Variants in NCAPD3 observed in about 807,000 individuals in gnomAD.
NCAPD3 encodes non-SMC condensin II complex subunit D3.
A neutral mutation model predicts 182.9 loss-of-function variants in NCAPD3; 105 were observed. The ratio of observed to expected loss-of-function variants is 0.57; its 90% confidence interval spans 0.49 to 0.68. The LOEUF (loss-of-function observed/expected upper bound fraction) is 0.68, where lower values mean the gene tolerates loss of function less well. NCAPD3 is among the 30% of genes least tolerant of loss of function. The pLI is 0.00. For synonymous variants in NCAPD3, 815 were observed against 679.9 expected (o/e 1.20, Z -3.09); for missense variants, 1,944 against 1,837.0 (o/e 1.06, Z -1.07).
chr11:134,162,361 C>G (rs1399854920), intron 27 of NCAPD3, among the ~76,000 whole-genome samples: 1 of 152,174 alleles, frequency 6.6e-6, no homozygotes, highest in Non-Finnish European at 1.5e-5. Context: ...ACAGCCAGCT[C>G]TGTCTCTCTC....
At chr11:134,187,523 G>A (rs1488808947) in intron 16 of NCAPD3, among the ~76,000 whole-genome samples, 3 of 152,194 alleles carry the variant, frequency 2.0e-5, no homozygotes, top group African/African-American at 7.2e-5. Context: ...ATTTTCCTGA[G>A]ATTTCATAGA....
intron 24 of NCAPD3, among the ~76,000 whole-genome samples, chr11:134,169,341 G>C (rs1943950986): frequency 6.6e-6 from 1 of 152,208 alleles, no homozygotes; most frequent in African/African-American, 2.4e-5. Flanking sequence ...TTCAAGTGGG[G>C]AAAGTAATCG....
At chr11:134,162,375 G>C (rs931238708) in intron 27 of NCAPD3, among the ~76,000 whole-genome samples, 6 of 152,194 alleles carry the variant, frequency 3.9e-5, no homozygotes, top group South Asian at 4.2e-4. Context: ...CTCTCTCTCT[G>C]TGTACACATC....
chr11:134,183,161 A>G (rs1370549739), intron 19 of NCAPD3: 3 of 456,180 alleles, frequency 6.6e-6, no homozygotes, highest in Non-Finnish European at 1.3e-5. Context: ...GTGCTGGTGA[A>G]AAGAAAATTA....
chr11:134,190,314 AT>A (rs1184045969), intron 16 of NCAPD3, among the ~76,000 whole-genome samples: 1 of 152,196 alleles, frequency 6.6e-6, no homozygotes, highest in Non-Finnish European at 1.5e-5. Flanking sequence ...ACTTTTTTAT[AT>A]TTTAGCTTCA....
intron 16 of NCAPD3, among the ~76,000 whole-genome samples, chr11:134,188,755 C>G (rs1944464868): frequency 6.6e-6 from 1 of 152,138 alleles, no homozygotes. Flanking sequence ...TCTTTAAGAG[C>G]TGTAACATGC....
At chr11:134,201,515 G>A (rs190427949) in intron 13 of NCAPD3, among the ~76,000 whole-genome samples, 27 of 152,284 alleles carry the variant, frequency 1.8e-4, no homozygotes, top group Admixed American at 5.2e-4. Flanking sequence ...GAACTTTATG[G>A]TGTGTGAACT....
At chr11:134,156,619 A>G (rs1943425738) in intron 32 of NCAPD3, among the ~76,000 whole-genome samples, 2 of 152,264 alleles carry the variant, frequency 1.3e-5, no homozygotes, top group African/African-American at 4.8e-5. Context: ...CAGAGCGTGC[A>G]TGGTACCTGC....
chr11:134,179,624 G>A (rs755701800), intron 20 of NCAPD3, among the ~76,000 whole-genome samples: 49 of 152,200 alleles, frequency 3.2e-4, no homozygotes, highest in Non-Finnish European at 5.1e-4. Flanking sequence ...AAGGTAAAGA[G>A]TATATAAAGC....
intron 26 of NCAPD3, 83 bp from the exon 27 acceptor site, chr11:134,168,278 G>A: frequency 7.0e-7 from 1 of 1,436,756 alleles, no homozygotes; most frequent in Non-Finnish European, 9.7e-7. Flanking sequence ...ACAACTGGGG[G>A]GCCATCTGAG....
chr11:134,185,443 G>C lies in NCAPD3; in HGVS notation c.2129C>G (p.Thr710Ser). ...GGCAGGTGCCGAATGTTCCGTGCCA[G>C]TGTGAGATATTACATTGTTTATAAA... ...PTFINNVISH[T>S]GTEHSAPAWM... Residue 710 changes from threonine to serine, a missense_variant, in exon 17 of 35, where the codon ACT becomes AGT. By Grantham distance (58) the Thr-to-Ser change is moderately conservative. Coordinates refer to ENST00000534548, the MANE Select transcript of NCAPD3 (RefSeq NM_015261.3). 6.2e-7 allele frequency: 1 copy of C among 1,613,972 alleles called. No individual in the cohort carries two copies. Among genetic ancestry groups the C allele is most frequent in the Non-Finnish European group, 8.5e-7 (1 of 1,179,928 alleles).
At chr11:134,213,315 C>T (rs1309395019) in intron 3 of NCAPD3, among the ~76,000 whole-genome samples, 2 of 151,716 alleles carry the variant, frequency 1.3e-5, no homozygotes, top group African/African-American at 4.8e-5. Context: ...CAGACTGAGA[C>T]CCTGGACCTC....
At chr11:134,166,978 C>T (rs1202875301) in intron 27 of NCAPD3, among the ~76,000 whole-genome samples, 1 of 123,122 alleles carries the variant, frequency 8.1e-6, no homozygotes, top group African/African-American at 3.5e-5. Flanking sequence ...GGGAGCTGCA[C>T]ACTCACTAGT....
In NCAPD3 at chr11:134,176,383, C is replaced by T. The variant is rs1169964228; in HGVS notation, c.3025G>A (p.Glu1009Lys). ...LILLTNLLQE[E>K]FVKWKGSLFF... ...AGGGAGCCCTTCCATTTCACAAATT[C>T]CTCCTGTGCAGAGAGAAGCCGGCAT... Residue 1009 changes from glutamate (E) to lysine (K), a missense_variant, in exon 24 of 35, where the codon GAA becomes AAA. Glu to Lys is a moderately conservative substitution (Grantham distance 56). This residue lies in a region of NCAPD3 where 1,803 missense variants were observed against 1,674.6 expected (regional missense o/e 1.08). Transcript: ENST00000534548. 1 of 1,613,802 alleles carries T rather than the reference C, an allele frequency of 6.2e-7. No homozygotes were observed. The highest frequency in any genetic ancestry group is 1.7e-5 in the Admixed American group (1 of 60,018).
chr11:134,215,741 T>A (rs1014750120), intron 3 of NCAPD3, among the ~76,000 whole-genome samples: 1 of 152,244 alleles, frequency 6.6e-6, no homozygotes, highest in Non-Finnish European at 1.5e-5. Flanking sequence ...ACAGTTTCAA[T>A]GCAATCCCTG....
chr11:134,167,548 C>G (rs1943879661), intron 27 of NCAPD3, among the ~76,000 whole-genome samples: 1 of 126,500 alleles, frequency 7.9e-6, no homozygotes, highest in Non-Finnish European at 1.6e-5. Flanking sequence ...GTGAGATGAG[C>G]TCGGGGGAGC....
chr11:134,190,695 T>C (rs1944506121), intron 16 of NCAPD3, among the ~76,000 whole-genome samples: 1 of 152,182 alleles, frequency 6.6e-6, no homozygotes, highest in African/African-American at 2.4e-5. Context: ...AGGGATGATC[T>C]CAAACTCCTG....
At chr11:134,163,622 C>A (rs1385118172) in intron 27 of NCAPD3, among the ~76,000 whole-genome samples, 2 of 151,020 alleles carry the variant, frequency 1.3e-5, no homozygotes, top group South Asian at 4.2e-4. Context: ...ATGGCATGAA[C>A]CCAGGGGGGC....
rs1011988899 is a variant in NCAPD3, at chr11:134,181,156, A to G, written c.2480T>C (p.Val827Ala). ...QELLTQVCGD[V>A]LSTCEHRLSN... is the part of the protein sequence containing the mutation. ...GAGGCGGTGCTCGCAGGTGGAGAGT[A>G]CATCCCCACACACCTGCGTCAGCAA... is the stretch of plus-strand genomic sequence containing the variant. The change falls in exon 20 of 35, where the codon GTA becomes GCA. Residue 827 changes from valine (V) to alanine (A), a missense_variant. Physicochemically the swap from Val to Ala is moderately conservative, Grantham distance 64. This residue lies in a region of NCAPD3 where 1,803 missense variants were observed against 1,674.6 expected (regional missense o/e 1.08). Coordinates refer to ENST00000534548, the MANE Select transcript of NCAPD3 (RefSeq NM_015261.3). 6 of 1,613,986 alleles carry G rather than the reference A, an allele frequency of 3.7e-6. No individual in the cohort carries two copies. Among genetic ancestry groups the G allele is most frequent in the Non-Finnish European group, 5.1e-6 (6 of 1,179,898 alleles).
Sources: gnomAD v4.1 joint callset for allele counts (sites outside exome capture counted in the v4.1 genomes callset) on GRCh38, gnomAD v4.1.1 for gene constraint, gnomAD v4.1.1 regional missense constraint, MANE v1.5 for transcripts, NCBI Gene and HGNC (gene_info 2026-07-23, HGNC 2026-07-21) for gene names.